Variants in SLC8A1 observed in about 807,000 individuals in gnomAD.
SLC8A1 encodes the protein sodium/calcium exchanger 1.
Under a neutral mutation model 68.3 loss-of-function variants are expected in SLC8A1, and 18 were observed. That is an observed-to-expected ratio of 0.26 (90% CI 0.18 to 0.39). The LOEUF (loss-of-function observed/expected upper bound fraction) is 0.39. Ranked by LOEUF, SLC8A1 falls within the 10% of genes least tolerant of loss-of-function variation. The probability of loss-of-function intolerance (pLI) is 1.00; values close to 1 mark genes in which losing one functional copy is unlikely to be tolerated. For synonymous variants in SLC8A1, 475 were observed against 415.5 expected (o/e 1.14, Z -1.74); for missense variants, 985 against 1,156.7 (o/e 0.85, Z 2.15).
intron 4 of SLC8A1, among the ~76,000 whole-genome samples, chr2:40,170,678 C>T (rs182317400): frequency 5.0e-4 from 76 of 152,220 alleles, no homozygotes; most frequent in Non-Finnish European, 5.9e-5. Flanking sequence ...TTCAAGGTAC[C>T]GCTTGCAGAA....
chr2:40,318,824 T>C (rs931123058), intron 2 of SLC8A1, among the ~76,000 whole-genome samples: 4 of 152,270 alleles, frequency 2.6e-5, no homozygotes, highest in Non-Finnish European at 5.9e-5. Flanking sequence ...AAGTGCCTAC[T>C]GTGTGCAACG....
chr2:40,233,959 T>TCTGTTTTGGTATCAGTACCATG (rs1316243773), intron 2 of SLC8A1, among the ~76,000 whole-genome samples: 1 of 152,132 alleles, frequency 6.6e-6, no homozygotes, highest in Non-Finnish European at 1.5e-5. Flanking sequence ...GATCTATATC[T>TCTGTTTTGGTATCAGTACCATG]CTGTTTTGGT....
intron 2 of SLC8A1, among the ~76,000 whole-genome samples, chr2:40,303,304 G>A (rs1328145542): frequency 2.6e-5 from 4 of 152,134 alleles, no homozygotes; most frequent in Admixed American, 6.6e-5. Context: ...GTTATTACCC[G>A]CTTAGTTGCA....
At chr2:40,175,185 A>G (rs2048251631) in intron 3 of SLC8A1, 76 bp downstream of exon 4, 1 of 1,399,058 alleles carries the variant, frequency 7.1e-7, no homozygotes. Context: ...AAAGTCACAG[A>G]GCTACTGTAT....
intron 2 of SLC8A1, among the ~76,000 whole-genome samples, chr2:40,248,352 G>C (rs375004255): frequency 1.1e-4 from 16 of 152,106 alleles, no homozygotes; most frequent in Admixed American, 5.9e-4. Flanking sequence ...GGTACCTTTG[G>C]GAAGTGATTA....
At chr2:40,221,851 T>C (rs1415052462) in intron 2 of SLC8A1, among the ~76,000 whole-genome samples, 1 of 152,074 alleles carries the variant, frequency 6.6e-6, no homozygotes, top group Non-Finnish European at 1.5e-5. Flanking sequence ...AGAACTCCAC[T>C]GCTCAAGGAA....
intron 2 of SLC8A1, among the ~76,000 whole-genome samples, chr2:40,382,462 T>C (rs964462523): frequency 1.3e-5 from 2 of 152,162 alleles, no homozygotes; most frequent in African/African-American, 4.8e-5. Context: ...GATTAAATAT[T>C]ATTCAAATCA....
At position 40,419,094 on chromosome 2, in the gene SLC8A1, T is replaced by A. The variant is rs147611393; in HGVS notation, c.1808+9379A>T. ...TCTCCTCTAGTAAAGCTTGAGGTTT[T>A]CTATGGCAGAGGCTATGTCTTAGGT... On this transcript the variant is annotated intron_variant, in intron 2 of 7. Coordinates refer to ENST00000406785, the Ensembl canonical transcript of SLC8A1. Among the ~76,000 whole-genome samples the A allele has an allele frequency of 1.3e-4, 20 of 152,356 alleles. No homozygotes were observed. The East Asian group carries it at 2.9e-3, about 22-fold the overall frequency.
At chr2:40,259,996 A>C (rs1047612041) in intron 2 of SLC8A1, among the ~76,000 whole-genome samples, 1 of 152,240 alleles carries the variant, frequency 6.6e-6, no homozygotes, top group African/African-American at 2.4e-5. Flanking sequence ...ATCCCTAAGA[A>C]AGTTGATAGT....
intron 2 of SLC8A1, among the ~76,000 whole-genome samples, chr2:40,324,036 G>A (rs185859064): frequency 4.6e-5 from 7 of 151,286 alleles, no homozygotes; most frequent in African/African-American, 7.3e-5. Context: ...GGTGGGGGGG[G>A]GGCTGTTAAC....
intron 2 of SLC8A1, among the ~76,000 whole-genome samples, chr2:40,345,429 T>C (rs1463520525): frequency 6.6e-6 from 1 of 152,088 alleles, no homozygotes; most frequent in African/African-American, 2.4e-5. Flanking sequence ...AGAAGATTCA[T>C]GTGAGCAACA....
intron 2 of SLC8A1, among the ~76,000 whole-genome samples, chr2:40,318,997 C>G (rs908356098): frequency 2.0e-5 from 3 of 152,022 alleles, no homozygotes; most frequent in African/African-American, 7.2e-5. Context: ...TATAAATACA[C>G]CAACTGGAAA....
intron 6 of SLC8A1, among the ~76,000 whole-genome samples, chr2:40,158,456 C>G (rs2045016124): frequency 6.6e-6 from 1 of 152,192 alleles, no homozygotes; most frequent in Non-Finnish European, 1.5e-5. Context: ...AATTTCTAAG[C>G]AATTGTGCCT....
At chr2:40,377,034 G>C (rs1180202448) in intron 2 of SLC8A1, among the ~76,000 whole-genome samples, 1 of 152,082 alleles carries the variant, frequency 6.6e-6, no homozygotes, top group Non-Finnish European at 1.5e-5. Context: ...GTGAGGGGAT[G>C]TCACTCCTAA....
chr2:40,213,717 T>C (rs1020821025), intron 2 of SLC8A1, among the ~76,000 whole-genome samples: 1 of 152,204 alleles, frequency 6.6e-6, no homozygotes, highest in African/African-American at 2.4e-5. Flanking sequence ...TGTGTTTTGG[T>C]AGAAGGGGCG....
intron 1 of SLC8A1, among the ~76,000 whole-genome samples, chr2:40,451,355 C>T (rs1406227582): frequency 1.3e-5 from 2 of 152,164 alleles, no homozygotes; most frequent in African/African-American, 2.4e-5. Flanking sequence ...CTCTGCCCCG[C>T]CACACCTCCC....
intron 1 of SLC8A1, among the ~76,000 whole-genome samples, chr2:40,443,066 G>C (rs181402811): frequency 6.6e-6 from 1 of 152,140 alleles, no homozygotes; most frequent in African/African-American, 2.4e-5. Context: ...AGAACACATG[G>C]ACACAGGGAG....
At chr2:40,291,844 CT>C (rs1439878674) in intron 2 of SLC8A1, among the ~76,000 whole-genome samples, 2 of 151,526 alleles carry the variant, frequency 1.3e-5, no homozygotes, top group East Asian at 3.9e-4. Flanking sequence ...TTAAATTTCA[CT>C]GCGAGGTTGA....
At chr2:40,508,352 TA>T (rs71406076) in intron 1 of SLC8A1, among the ~76,000 whole-genome samples, 25,341 of 143,332 alleles carry the variant, frequency 0.18, 3,286 homozygotes, top group East Asian at 0.46. Context: ...AAGGTAAAAG[TA>T]AAAAAAAAAA....
Sources: gnomAD v4.1 joint callset for allele counts (sites outside exome capture counted in the v4.1 genomes callset) on GRCh38, gnomAD v4.1.1 for gene constraint, MANE v1.5 for transcripts, NCBI Gene and HGNC (gene_info 2026-07-23, HGNC 2026-07-21) for gene names.